Variants in RBFOX1 observed in about 807,000 individuals in gnomAD.
RBFOX1 encodes the protein RNA binding fox-1 homolog 1.
Under a neutral mutation model 57.7 loss-of-function variants are expected in RBFOX1, and 8 were observed. The observed-to-expected ratio is 0.14, with a 90% CI of 0.08 to 0.25. The LOEUF (loss-of-function observed/expected upper bound fraction) is 0.25. Among genes scored for constraint, RBFOX1 ranks in the 10% least tolerant of loss-of-function variants. The pLI is 1.00. For synonymous variants in RBFOX1, 326 were observed against 222.4 expected (o/e 1.47, Z -4.15); for missense variants, 611 against 548.5 (o/e 1.11, Z -1.14).
intron 1 of RBFOX1, among the ~76,000 whole-genome samples, chr16:6,278,181 C>G (rs138529659): frequency 1.4e-4 from 22 of 152,142 alleles, no homozygotes; most frequent in Non-Finnish European, 2.9e-4. Context: ...CAGGCAGGTA[C>G]TTTGTGACCA....
chr16:5,718,203 G>C (rs1332456510), intron 3 of RBFOX1, among the ~76,000 whole-genome samples: 2 of 152,224 alleles, frequency 1.3e-5, no homozygotes, highest in Non-Finnish European at 1.5e-5. Context: ...GTGCTCAACA[G>C]ATTCAGTCTA....
chr16:7,387,541 G>A (rs1423690101), intron 4 of RBFOX1, among the ~76,000 whole-genome samples: 1 of 152,206 alleles, frequency 6.6e-6, no homozygotes, highest in Admixed American at 6.5e-5. Context: ...GGCAAGAAGA[G>A]AGTGGCACAT....
chr16:5,377,582 TGGG>T (rs974059347), intron 1 of RBFOX1, among the ~76,000 whole-genome samples: 1 of 99,492 alleles, frequency 1.0e-5, no homozygotes, highest in African/African-American at 4.0e-5. Context: ...AGAGAGGAGA[TGGG>T]GGGAGAGAGA....
rs750823772 is a variant in RBFOX1 at position 7,312,484 on chromosome 16, C to T, written c.28-205663C>T. Among the ~76,000 whole-genome samples the T allele has an allele frequency of 2.6e-5, 4 of 152,326 alleles. 1 individual carries two copies. The South Asian group carries it at 8.3e-4, about 32-fold the overall frequency. On this transcript the variant is annotated intron_variant, in intron 4 of 15. Coordinates refer to ENST00000550418, the MANE Select transcript of RBFOX1 (RefSeq NM_018723.4). The stretch of plus-strand genomic sequence containing the variant: ...ATAAACTTCTCGTTTCCATTTCTCT[C>T]AAATTAACATGATTAATACACCCAT...
At chr16:6,206,273 C>G (rs1340815880) in intron 1 of RBFOX1, among the ~76,000 whole-genome samples, 2 of 152,000 alleles carry the variant, frequency 1.3e-5, no homozygotes, top group East Asian at 3.9e-4. Context: ...GTGTGCTGTT[C>G]CTGTTACCTG....
At chr16:6,819,812 A>T (rs1340168720) in intron 3 of RBFOX1, among the ~76,000 whole-genome samples, 1 of 151,900 alleles carries the variant, frequency 6.6e-6, no homozygotes, top group Non-Finnish European at 1.5e-5. Flanking sequence ...CGACACTGGT[A>T]ATTTACAGAA....
At chr16:6,879,910 T>C (rs2062587552) in intron 3 of RBFOX1, among the ~76,000 whole-genome samples, 1 of 152,258 alleles carries the variant, frequency 6.6e-6, no homozygotes, top group Non-Finnish European at 1.5e-5. Context: ...TCATTTCTTT[T>C]AAAATATTAT....
chr16:6,855,271 G>T (rs577356865), intron 3 of RBFOX1, among the ~76,000 whole-genome samples: 1 of 151,956 alleles, frequency 6.6e-6, no homozygotes, highest in South Asian at 2.1e-4. Context: ...GGGGAAGGAG[G>T]GCAGTCAGCA....
chr16:5,517,300 G>C (rs114458248), intron 2 of RBFOX1, among the ~76,000 whole-genome samples: 2,687 of 152,270 alleles, frequency 0.018, 71 homozygotes, highest in African/African-American at 0.061. Flanking sequence ...CTTCTCAGGG[G>C]CTGTGTGGAC....
chr16:6,500,870 G>A lies in RBFOX1; in HGVS notation c.-63-153733G>A, dbSNP rs559304320. Among the ~76,000 whole-genome samples the A allele has an allele frequency of 9.0e-4, 29 of 32,310 alleles. No individual in the cohort carries two copies. The East Asian group carries it at 0.022, about 24-fold the overall frequency. 21.2% of individuals were successfully genotyped at this position (32,310 alleles called of 152,430 possible). A position where few individuals can be genotyped will look rare whatever the true frequency, so the allele number is the denominator to read the frequency against. On this transcript the variant is annotated intron_variant, in intron 2 of 15. Transcript: ENST00000550418. ...CATTGTCTTTTATCTCAGCCCTTGG[G>A]GAGTAGTTTTTTTTTTTTTTTTTTT...
intron 3 of RBFOX1, among the ~76,000 whole-genome samples, chr16:5,803,935 C>T (rs907431065): frequency 6.6e-6 from 1 of 152,166 alleles, no homozygotes; most frequent in Non-Finnish European, 1.5e-5. Context: ...ATTGTCTTGT[C>T]CATCCCAATT....
At chr16:5,731,226 A>G (rs1176701703) in intron 3 of RBFOX1, among the ~76,000 whole-genome samples, 2 of 152,132 alleles carry the variant, frequency 1.3e-5, no homozygotes, top group Non-Finnish European at 2.9e-5. Flanking sequence ...CAACAACACT[A>G]TCATTGTCAT....
intron 3 of RBFOX1, among the ~76,000 whole-genome samples, chr16:5,640,479 G>C (rs1442414505): frequency 2.6e-5 from 4 of 151,118 alleles, no homozygotes; most frequent in Non-Finnish European, 4.4e-5. Context: ...TGTACACCAT[G>C]CACACACATA....
At chr16:6,421,821 G>A (rs185439061) in intron 2 of RBFOX1, among the ~76,000 whole-genome samples, 3 of 151,566 alleles carry the variant, frequency 2.0e-5, no homozygotes, top group East Asian at 1.9e-4. Flanking sequence ...GTCAGACTCC[G>A]TCTTATGCTA....
chr16:7,407,373 GGTGTGT>G (rs77358035), intron 4 of RBFOX1, among the ~76,000 whole-genome samples: 35,573 of 149,390 alleles, frequency 0.24, 5,260 homozygotes, highest in East Asian at 0.58. Context: ...GATTTGTATG[GGTGTGT>G]GTGTGTGTGT....
chr16:7,217,626 G>C (rs891164739), intron 4 of RBFOX1, among the ~76,000 whole-genome samples: 5 of 151,656 alleles, frequency 3.3e-5, no homozygotes, highest in Admixed American at 2.0e-4. Context: ...CAATTACTTG[G>C]CTTGAAAAGG....
chr16:6,688,804 C>A (rs139482627), intron 3 of RBFOX1, among the ~76,000 whole-genome samples: 4,706 of 152,198 alleles, frequency 0.031, 247 homozygotes, highest in African/African-American at 0.11. Context: ...CACCTCCCGA[C>A]AGGCCCTGGT....
chr16:6,017,251 C>G (rs985848312), upstream of RBFOX1, among the ~76,000 whole-genome samples: 2 of 152,168 alleles, frequency 1.3e-5, no homozygotes, highest in African/African-American at 2.4e-5. Context: ...ACAAACAATT[C>G]CTGTTGGTGA....
At chr16:5,469,775 T>A (rs1356576607) in intron 2 of RBFOX1, among the ~76,000 whole-genome samples, 2 of 152,250 alleles carry the variant, frequency 1.3e-5, no homozygotes, top group Non-Finnish European at 2.9e-5. Context: ...TGGTCTTCCG[T>A]ATCTGGCTTC....
Sources: gnomAD v4.1 joint callset for allele counts (sites outside exome capture counted in the v4.1 genomes callset) on GRCh38, gnomAD v4.1.1 for gene constraint, MANE v1.5 for transcripts, NCBI Gene and HGNC (gene_info 2026-07-23, HGNC 2026-07-21) for gene names.